CFAP47: variants seen among roughly 807,000 people sequenced by gnomAD.
CFAP47 encodes the protein cilia- and flagella-associated protein 47.
In CFAP47, 29 loss-of-function variants were observed where a neutral mutation model predicts 148.1. That is an observed-to-expected ratio of 0.20 (90% CI 0.15 to 0.27). CFAP47 has a LOEUF of 0.27. CFAP47 is among the 10% of genes least tolerant of loss of function. The pLI, the probability that CFAP47 is intolerant of heterozygous loss-of-function variation, is 1.00. For missense variants in CFAP47, 1,872 were observed against 1,697.5 expected, an observed-to-expected ratio of 1.10 and a Z score of -1.81; for synonymous variants, 664 against 577.3, an observed-to-expected ratio of 1.15 and a Z score of -2.15.
intron 25 of CFAP47, among the ~76,000 whole-genome samples, chrX:36,044,837 C>T (rs2146731337): frequency 8.9e-6 from 1 of 112,370 alleles, no homozygotes; most frequent in Admixed American, 9.4e-5. Flanking sequence ...AGCAATGCCC[C>T]ACTACCTTAG....
At chrX:36,323,582 A>C (rs1306780009) in intron 57 of CFAP47, among the ~76,000 whole-genome samples, 2 of 111,493 alleles carry the variant, frequency 1.8e-5, no homozygotes, top group Non-Finnish European at 3.8e-5. Flanking sequence ...GTTACGACTA[A>C]CATATGTTCC....
intron 45 of CFAP47, among the ~76,000 whole-genome samples, chrX:36,214,796 A>G (rs1373568005): frequency 1.8e-5 from 2 of 111,126 alleles, no homozygotes; most frequent in Non-Finnish European, 3.8e-5. Context: ...TGGAGCTGTC[A>G]TCTCCTATAA....
intron 13 of CFAP47, among the ~76,000 whole-genome samples, chrX:35,972,466 A>G (rs1936509146): frequency 9.0e-6 from 1 of 110,809 alleles, no homozygotes; most frequent in African/African-American, 3.3e-5. Context: ...TTCTGACCTC[A>G]AGTGACCCAC....
intron 27 of CFAP47, among the ~76,000 whole-genome samples, chrX:36,070,815 A>G (rs1263473233): frequency 9.0e-6 from 1 of 111,689 alleles, no homozygotes; most frequent in African/African-American, 3.3e-5. Context: ...TCAATCAGAC[A>G]TGCCTACCAG....
At chrX:36,243,524 G>A (rs1301280486) in intron 48 of CFAP47, among the ~76,000 whole-genome samples, 2 of 107,375 alleles carry the variant, frequency 1.9e-5, no homozygotes, top group East Asian at 5.9e-4. Context: ...AAGAGTACAA[G>A]TCTCTATTCT....
intron 35 of CFAP47, among the ~76,000 whole-genome samples, chrX:36,141,038 A>T (rs1939129394): frequency 9.5e-6 from 1 of 104,835 alleles, no homozygotes; most frequent in Admixed American, 1.0e-4. Flanking sequence ...GGGTGAATAG[A>T]TATTCTAATT....
intron 62 of CFAP47, among the ~76,000 whole-genome samples, chrX:36,367,626 G>A (rs955495772): frequency 7.2e-5 from 8 of 111,686 alleles, no homozygotes; most frequent in Non-Finnish European, 9.4e-5. Flanking sequence ...CATACATAAC[G>A]TAAAATTCAT....
At chrX:36,049,488 TCACACACACACA>T (rs397895931) in intron 26 of CFAP47, among the ~76,000 whole-genome samples, 11 of 92,277 alleles carry the variant, frequency 1.2e-4, no homozygotes, top group Middle Eastern at 5.8e-3. Context: ...TTTCTCTCTC[TCACACACACACA>T]CACACACACA....
chrX:36,143,507 T>A (rs1420549915), intron 35 of CFAP47, among the ~76,000 whole-genome samples: 3 of 111,839 alleles, frequency 2.7e-5, no homozygotes, highest in Non-Finnish European at 3.8e-5. Flanking sequence ...ATAGCAGACC[T>A]TCATTTCCAT....
chrX:36,288,222 T>C (rs184310281), intron 51 of CFAP47, among the ~76,000 whole-genome samples: 1 of 112,335 alleles, frequency 8.9e-6, no homozygotes, highest in African/African-American at 3.2e-5. Flanking sequence ...TGCTGCAGGT[T>C]CCAAAACCAG....
chrX:35,970,860 A>C lies in CFAP47; in HGVS notation c.1907A>C (p.Asn636Thr), dbSNP rs1936478879. The change falls in exon 11 of 64, where the codon AAC becomes ACC. Residue 636 changes from asparagine to threonine, a missense_variant. Coordinates refer to ENST00000378653, the MANE Select transcript of CFAP47 (RefSeq NM_001304548.2). ...AAACAGCAAAAGAAATTACATGAAAACTATTATGCAATGTATCTTAAATAT... is the reference window on the plus strand; with the variant it reads ...AAACAGCAAAAGAAATTACATGAAACCTATTATGCAATGTATCTTAAATAT... ...FEKQQKKLHE[N>T]YYAMYLKYLR... 1.7e-6 allele frequency: 2 copies of C among 1,186,225 alleles called. No homozygotes were observed. The highest frequency in any genetic ancestry group is 3.5e-5 in the African/African-American group (2 of 56,496).
intron 45 of CFAP47, among the ~76,000 whole-genome samples, chrX:36,222,677 G>A (rs1555990924): frequency 9.1e-6 from 1 of 109,678 alleles, no homozygotes; most frequent in African/African-American, 3.3e-5. Flanking sequence ...TTTAACTGCT[G>A]ATTTCTTTTT....
intron 62 of CFAP47, among the ~76,000 whole-genome samples, chrX:36,371,757 C>CGTGTGT (rs1941953009): frequency 4.3e-5 from 2 of 46,108 alleles, no homozygotes; most frequent in Non-Finnish European, 6.7e-5. Context: ...TATATACACA[C>CGTGTGT]ATGTGTGTAT....
At chrX:36,297,681 G>T (rs1024130283) in intron 51 of CFAP47, among the ~76,000 whole-genome samples, 6 of 111,390 alleles carry the variant, frequency 5.4e-5, no homozygotes, top group Admixed American at 1.9e-4. Flanking sequence ...ATGTACCTTG[G>T]GGGAAGGACA....
rs758848158 is a variant in CFAP47 at position 35,960,430 on chromosome X, A to G, written c.1410+4234A>G. 3.8e-3 allele frequency among the ~76,000 whole-genome samples: 387 copies of G among 101,761 alleles called. 1 individual carries two copies. Among genetic ancestry groups the G allele is most frequent in the Non-Finnish European group, 6.2e-3 (316 of 51,216 alleles). The allele number at this position is 101,761 out of a possible 115,157, so 88.4% of individuals were successfully genotyped here. ...AAAGGACAGCTGGAATTTTGAAAAG[A>G]ATTGTGTTGAATTTGTAAGTCTATT... On this transcript the variant is annotated intron_variant, in intron 8 of 63. Coordinates refer to ENST00000378653, the MANE Select transcript of CFAP47 (RefSeq NM_001304548.2).
chrX:36,143,809 A>T (rs5973595), intron 35 of CFAP47, among the ~76,000 whole-genome samples: 30,070 of 110,507 alleles, frequency 0.27, 5,567 homozygotes, highest in African/African-American at 0.66. Context: ...AGTAATTACA[A>T]CCTCTGCCTT....
chrX:36,015,573 G>T (rs1370984479), intron 22 of CFAP47, among the ~76,000 whole-genome samples: 1 of 111,082 alleles, frequency 9.0e-6, no homozygotes, highest in African/African-American at 3.3e-5. Flanking sequence ...GTTAATAATT[G>T]CATTTGGTAA....
At chrX:36,286,344 T>C (rs1941132568) in intron 51 of CFAP47, among the ~76,000 whole-genome samples, 1 of 110,899 alleles carries the variant, frequency 9.0e-6, no homozygotes, top group Admixed American at 9.6e-5. Context: ...ATAAATGTTA[T>C]TTTTATTTTT....
chrX:36,035,654 A>G lies in CFAP47; in HGVS notation c.3652-41A>G, dbSNP rs151068765. ...ACAACTAAACTTTAGATTGCATGCTATAATTTTAAACTTTTTTTGTCTTTT... is the reference window on the plus strand; with the variant it reads ...ACAACTAAACTTTAGATTGCATGCTGTAATTTTAAACTTTTTTTGTCTTTT... On this transcript the variant is annotated intron_variant, in intron 23 of 63. Transcript: ENST00000378653. The G allele has an allele frequency of 7.7e-3, 2,233 of 289,037 alleles. 49 individuals are homozygous for G. The highest frequency in any genetic ancestry group is 0.056 in the African/African-American group (2,032 of 36,122). The allele number at this position is 289,037 out of a possible 1,213,427, so 23.8% of individuals were successfully genotyped here. A position where few individuals can be genotyped will look rare whatever the true frequency, so the allele number is the denominator to read the frequency against.
Sources: allele counts gnomAD v4.1 joint callset (sites outside exome capture counted in the v4.1 genomes callset), GRCh38; gene constraint gnomAD v4.1.1; transcripts MANE v1.5; gene names NCBI Gene and HGNC (gene_info 2026-07-23, HGNC 2026-07-21).